CFH: variants seen among roughly 807,000 people sequenced by gnomAD.
CFH encodes the protein complement factor H, also known as H factor 1 (complement).
A neutral mutation model predicts 147.3 loss-of-function variants in CFH; 53 were observed. The observed-to-expected ratio is 0.36, with a 90% CI of 0.29 to 0.45. CFH has a LOEUF of 0.45. Among genes scored for constraint, CFH ranks in the 20% least tolerant of loss-of-function variants. The pLI is 1.00. For synonymous variants in CFH, 536 were observed against 489.4 expected (o/e 1.10, Z -1.26); for missense variants, 1,380 against 1,498.0 (o/e 0.92, Z 1.30).
chr1:196,709,659 T>A (rs1420253255), intron 9 of CFH, among the ~76,000 whole-genome samples: 9 of 152,158 alleles, frequency 5.9e-5, no homozygotes, highest in Non-Finnish European at 1.2e-4. Context: ...CTGTAGCTGG[T>A]CATTGATTAC....
rs763441589 is a variant in CFH at position 196,726,855 on chromosome 1, C to A, written c.2151C>A (p.Phe717Leu). 12 of 1,613,554 alleles carry A rather than the reference C, an allele frequency of 7.4e-6. No homozygotes were observed. The Admixed American group carries it at 1.3e-4, about 18-fold the overall frequency. Residue 717 changes from phenylalanine (F) to leucine (L), a missense_variant, in exon 14 of 22, where the codon TTC becomes TTA. Around this residue, in one of 4 missense-constraint regions of CFH, gnomAD observed 830 missense variants for 821.4 expected, o/e 1.01. Coordinates refer to ENST00000367429, the MANE Select transcript of CFH (RefSeq NM_000186.4). ...PPYYYGDSVE[F>L]NCSESFTMIG... ...ATTACTATGGAGATTCAGTGGAATT[C>A]AATTGCTCAGAATCATTTACAATGA...
intron 9 of CFH, among the ~76,000 whole-genome samples, chr1:196,700,157 T>C (rs1415028955): frequency 6.6e-6 from 1 of 152,118 alleles, no homozygotes; most frequent in Non-Finnish European, 1.5e-5. Context: ...CCGAATCAAT[T>C]GATGACCTCA....
chr1:196,735,662 C>T (rs1038362428), intron 15 of CFH, among the ~76,000 whole-genome samples: 2 of 151,822 alleles, frequency 1.3e-5, no homozygotes, highest in Non-Finnish European at 2.9e-5. Flanking sequence ...CAGGAATGTA[C>T]ACCCAACAAA....
chr1:196,728,992 A>G (rs973521824), intron 15 of CFH, among the ~76,000 whole-genome samples: 2 of 151,964 alleles, frequency 1.3e-5, no homozygotes, highest in Non-Finnish European at 2.9e-5. Context: ...CTAATCATCT[A>G]TTTATCTATT....
chr1:196,686,460 C>T (rs1448817000), intron 7 of CFH, among the ~76,000 whole-genome samples: 8 of 151,982 alleles, frequency 5.3e-5, no homozygotes, highest in Non-Finnish European at 1.0e-4. Flanking sequence ...TTCTGGGATG[C>T]TCCTTTACCC....
intron 9 of CFH, among the ~76,000 whole-genome samples, chr1:196,700,479 C>A (rs992500538): frequency 2.0e-5 from 3 of 151,892 alleles, no homozygotes; most frequent in Non-Finnish European, 2.9e-5. Flanking sequence ...CATGGTGAAA[C>A]CCTGTCTCTA....
At chr1:196,742,109 T>TG in intron 19 of CFH, 58 bp downstream of exon 19, 1 of 1,547,444 alleles carries the variant, frequency 6.5e-7, no homozygotes, top group Non-Finnish European at 8.9e-7. Flanking sequence ...GCCCAGTGGC[T>TG]GGCGCCTGTA....
At chr1:196,715,354 GT>G (rs1668843603) in intron 10 of CFH, among the ~76,000 whole-genome samples, 1 of 151,840 alleles carries the variant, frequency 6.6e-6, no homozygotes, top group Admixed American at 6.6e-5. Context: ...TAAGAAAAAT[GT>G]TTTTAAAATA....
chr1:196,679,698 G>T lies in CFH; in HGVS notation c.695G>T (p.Arg232Leu), dbSNP rs766043678. Residue 232 changes from arginine to leucine, a missense_variant, in exon 6 of 22, where the codon CGA (arginine) becomes CTA (leucine). This residue lies in a region of CFH where 167 missense variants were observed against 228.0 expected (regional missense o/e 0.73). Transcript: ENST00000367429. ...SQKIIYKENE[R>L]FQYKCNMGYE... ...AAGATTATTTATAAGGAGAATGAAC[G>T]ATTTCAATATAAATGTAACATGGGT... 1.2e-6 allele frequency: 2 copies of T among 1,609,228 alleles called. No individual in the cohort carries two copies.
rs765210362 is a variant in CFH at position 196,690,096 on chromosome 1, A to G, written c.1193A>G (p.Tyr398Cys). The G allele has an allele frequency of 2.5e-6, 4 of 1,611,230 alleles. No individual in the cohort carries two copies. The highest frequency in any genetic ancestry group is 4.5e-5 in the East Asian group (2 of 44,732). ...TATTTTCCTTATTTGGAAAATGGAT[A>G]TAATCAAAATCATGGAAGAAAGTTT... ...KCYFPYLENG[Y>C]NQNHGRKFVQ... Residue 398 changes from tyrosine (Y) to cysteine (C), a missense_variant, in exon 9 of 22, where the codon TAT becomes TGT. Tyr to Cys is a radical substitution (Grantham distance 194, BLOSUM62 -2). Coordinates refer to ENST00000367429, the MANE Select transcript of CFH (RefSeq NM_000186.4).
At chr1:196,727,752 C>T (rs1310116455) in intron 14 of CFH, among the ~76,000 whole-genome samples, 1 of 152,094 alleles carries the variant, frequency 6.6e-6, no homozygotes, top group African/African-American at 2.4e-5. Context: ...AGTGAATGTG[C>T]TGCAGGGTTG....
intron 11 of CFH, among the ~76,000 whole-genome samples, chr1:196,722,580 G>T (rs1040956473): frequency 1.2e-4 from 18 of 152,132 alleles, no homozygotes; most frequent in African/African-American, 2.9e-4. Context: ...AGTTCATCTC[G>T]CAATGCATCT....
At chr1:196,724,714 G>A (rs138697671) in intron 11 of CFH, among the ~76,000 whole-genome samples, 1 of 152,222 alleles carries the variant, frequency 6.6e-6, no homozygotes, top group Non-Finnish European at 1.5e-5. Context: ...GAGAACTTGT[G>A]TCCAAACTCC....
chr1:196,673,071 A>C lies in CFH; in HGVS notation c.152A>C (p.Lys51Thr). ...CCAGAAGGCACCCAGGCTATCTATA[A>C]ATGCCGCCCTGGATATAGATCTCTT... ...TYPEGTQAIY[K>T]CRPGYRSLGN... is the part of the protein sequence containing the mutation. Residue 51 changes from lysine (K) to threonine (T), a missense_variant, in exon 2 of 22, where the codon AAA becomes ACA. This residue lies in a region of CFH where 260 missense variants were observed against 263.3 expected (regional missense o/e 0.99). Transcript: ENST00000367429. 1 of 1,614,022 alleles carries C rather than the reference A, an allele frequency of 6.2e-7. No individual in the cohort carries two copies. Among genetic ancestry groups the C allele is most frequent in the Non-Finnish European group, 8.5e-7 (1 of 1,179,914 alleles).
At chr1:196,729,605 T>G (rs2149109836) in intron 15 of CFH, among the ~76,000 whole-genome samples, 2 of 152,104 alleles carry the variant, frequency 1.3e-5, no homozygotes, top group Admixed American at 1.3e-4. Context: ...GTTGGGCCAC[T>G]AGAATGAGTT....
chr1:196,698,249 G>A (rs1668344726), intron 9 of CFH, among the ~76,000 whole-genome samples: 1 of 152,038 alleles, frequency 6.6e-6, no homozygotes, highest in Admixed American at 6.6e-5. Context: ...CCTGGAGATA[G>A]AGACATGAAA....
intron 6 of CFH, among the ~76,000 whole-genome samples, chr1:196,684,254 T>C (rs983496168): frequency 6.6e-6 from 1 of 152,002 alleles, no homozygotes; most frequent in Non-Finnish European, 1.5e-5. Flanking sequence ...TTGTTTTTCA[T>C]TACTTTTGTA....
chr1:196,731,327 A>T (rs1558180988), intron 15 of CFH, among the ~76,000 whole-genome samples: 1 of 151,920 alleles, frequency 6.6e-6, no homozygotes. Context: ...CTTGCATAAC[A>T]TATCTTATAA....
rs537062050 is a variant in CFH, at chr1:196,657,603, T to C, written c.58+5428T>C. On this transcript the variant is annotated intron_variant, in intron 1 of 21. Transcript: ENST00000367429. ...TGTGTATACCAAAGCCAAAGGATTA[T>C]TGAATAAATAGTATTACTATAGATC... Among the ~76,000 whole-genome samples the C allele has an allele frequency of 3.9e-5, 6 of 152,338 alleles. No homozygotes were observed. In the South Asian group the frequency reaches 1.2e-3, roughly 32 times the overall value.
Sources: allele counts gnomAD v4.1 joint callset (sites outside exome capture counted in the v4.1 genomes callset), GRCh38; gene constraint gnomAD v4.1.1; regional missense constraint gnomAD v4.1.1; transcripts MANE v1.5; gene names NCBI Gene and HGNC (gene_info 2026-07-23, HGNC 2026-07-21).